CABIN1: variants seen among roughly 807,000 people sequenced by gnomAD.
The protein encoded by CABIN1 is calcineurin binding protein 1, also known as calcineurin-binding protein cabin-1.
CABIN1 carries 133 observed loss-of-function variants against 227.7 expected under a neutral mutation model. That is an observed-to-expected ratio of 0.58 (90% CI 0.51 to 0.67). CABIN1 has a LOEUF of 0.67. Among genes scored for constraint, CABIN1 ranks in the 30% least tolerant of loss-of-function variants. CABIN1 has a pLI of 0.00. For synonymous variants in CABIN1, 1,086 were observed against 1,155.1 expected (o/e 0.94, Z 1.21); for missense variants, 2,408 against 2,852.5 (o/e 0.84, Z 3.55).
chr22:24,156,398 C>T (rs1218138218), intron 29 of CABIN1: 1 of 275,562 alleles, frequency 3.6e-6, no homozygotes, highest in Admixed American at 5.3e-5. Flanking sequence ...CGGCGGCGCG[C>T]GGGGGCGGCA....
intron 1 of CABIN1, among the ~76,000 whole-genome samples, chr22:24,025,408 G>A (rs753776659): frequency 4.6e-5 from 7 of 152,122 alleles, no homozygotes; most frequent in Non-Finnish European, 7.3e-5. Context: ...AGCCTGAGAA[G>A]GCCAAAACCA....
intron 27 of CABIN1, among the ~76,000 whole-genome samples, chr22:24,119,153 G>A (rs551666148): frequency 1.3e-5 from 2 of 152,336 alleles, no homozygotes; most frequent in Admixed American, 1.3e-4. Context: ...TGCCAGCTGG[G>A]ACAGCCTGTT....
intron 34 of CABIN1, 69 bp from the exon 35 acceptor site, chr22:24,176,042 T>A: frequency 4.5e-6 from 7 of 1,538,770 alleles, no homozygotes; most frequent in Non-Finnish European, 6.2e-6. Flanking sequence ...CCATAGGACC[T>A]GACACAGATG....
intron 35 of CABIN1, 97 bp downstream of exon 35, chr22:24,176,372 G>A: frequency 5.2e-6 from 7 of 1,351,892 alleles, no homozygotes; most frequent in Non-Finnish European, 7.1e-6. Context: ...TGAAGGGCAG[G>A]GCCTGGGGAT....
At chr22:24,093,915 A>G (rs2041715827) in intron 24 of CABIN1, among the ~76,000 whole-genome samples, 1 of 152,168 alleles carries the variant, frequency 6.6e-6, no homozygotes, top group Non-Finnish European at 1.5e-5. Context: ...TTTTGGGGCC[A>G]TATTCACTGG....
chr22:24,132,725 T>A (rs2044147440), intron 28 of CABIN1, among the ~76,000 whole-genome samples: 1 of 152,140 alleles, frequency 6.6e-6, no homozygotes, highest in African/African-American at 2.4e-5. Flanking sequence ...GTAGCTGGGA[T>A]TAGAGGCGTG....
At chr22:24,025,338 G>C (rs71318940) in intron 1 of CABIN1, among the ~76,000 whole-genome samples, 2,462 of 152,256 alleles carry the variant, frequency 0.016, 82 homozygotes, top group East Asian at 0.14. Flanking sequence ...TTCAAAAGGG[G>C]GGAAAAGGTG....
rs777375119 is a variant in CABIN1 at position 24,056,249 on chromosome 22, AAG to A, written c.1156_1157del (p.Ser386TrpfsTer42). On this transcript the variant is annotated frameshift_variant, in exon 10 of 37. Transcript: ENST00000263119. LOFTEE classifies it high-confidence loss of function. ...GGGGTAAAACGGAAGAAGATTTCAG[AAG>A]AGAGTGGAGAAACAGCAAAGCGGCG... 2 of 1,614,092 alleles carry A rather than the reference AAG, an allele frequency of 1.2e-6. No homozygotes were observed. Among genetic ancestry groups the A allele is most frequent in the Non-Finnish European group, 1.7e-6 (2 of 1,179,980 alleles).
chr22:24,176,688 T>C (rs1299883189), intron 35 of CABIN1, among the ~76,000 whole-genome samples: 1 of 151,892 alleles, frequency 6.6e-6, no homozygotes, highest in Non-Finnish European at 1.5e-5. Context: ...GGCAGAAGGG[T>C]GGACAGGTTG....
chr22:24,071,206 C>A, intron 17 of CABIN1, 164 bp downstream of exon 17: 2 of 946,208 alleles, frequency 2.1e-6, no homozygotes, highest in Non-Finnish European at 3.2e-6. Context: ...GGTTTGTGCG[C>A]AGGCTGCAAA....
At chr22:24,112,586 T>C (rs957494487) in intron 26 of CABIN1, among the ~76,000 whole-genome samples, 3 of 152,102 alleles carry the variant, frequency 2.0e-5, no homozygotes, top group African/African-American at 4.8e-5. Flanking sequence ...CAGCCTAGGG[T>C]TGGGGACATG....
At chr22:24,135,771 T>C (rs560255353) in intron 29 of CABIN1, among the ~76,000 whole-genome samples, 2 of 152,340 alleles carry the variant, frequency 1.3e-5, no homozygotes, top group East Asian at 3.9e-4. Flanking sequence ...AGAGGTGGCC[T>C]GAACAGGAGC....
intron 29 of CABIN1, among the ~76,000 whole-genome samples, chr22:24,151,359 A>G (rs1209314509): frequency 6.6e-6 from 1 of 152,042 alleles, no homozygotes; most frequent in East Asian, 1.9e-4. Flanking sequence ...TTGCTTCCCC[A>G]TGACCTTCCC....
At chr22:24,127,537 A>G (rs181838732) in intron 28 of CABIN1, among the ~76,000 whole-genome samples, 1 of 152,336 alleles carries the variant, frequency 6.6e-6, no homozygotes, top group East Asian at 1.9e-4. Flanking sequence ...ATCAGACAAC[A>G]TGGGAAACCT....
intron 29 of CABIN1, among the ~76,000 whole-genome samples, chr22:24,157,797 C>T (rs955710845): frequency 2.0e-4 from 30 of 152,294 alleles, no homozygotes; most frequent in African/African-American, 6.7e-4. Flanking sequence ...TTCCTGGCTC[C>T]GCTTGAGGTG....
At chr22:24,059,476 C>T in intron 11 of CABIN1, 113 bp downstream of exon 11, 1 of 1,260,318 alleles carries the variant, frequency 7.9e-7, no homozygotes, top group South Asian at 1.3e-5. Context: ...TTAGTGTGGC[C>T]AAGAGTCTGC....
At chr22:24,125,559 C>T (rs1185484033) in intron 28 of CABIN1, among the ~76,000 whole-genome samples, 1 of 152,200 alleles carries the variant, frequency 6.6e-6, no homozygotes, top group Non-Finnish European at 1.5e-5. Context: ...TCGGGGGGAG[C>T]TGGTGAGCTT....
chr22:24,076,927 C>T (rs1305475336), intron 19 of CABIN1, among the ~76,000 whole-genome samples: 1 of 152,128 alleles, frequency 6.6e-6, no homozygotes, highest in Admixed American at 6.5e-5. Context: ...AGACAGGGAC[C>T]TCAGACCCAG....
chr22:24,061,970 C>A lies in CABIN1; in HGVS notation c.1641C>A (p.Ser547=). Residue 547 remains serine (S), a synonymous_variant, in exon 13 of 37, where the codon TCC becomes TCA. Transcript: ENST00000263119. ...AGGACATGATGCTGATGTCTCTCTC[C>A]TGCATGGAACTCCAGCTGGACCAGT... ...HIKDMMLMSL[S]CMELQLDQWL... is the part of the protein sequence containing the mutation. 6.2e-7 allele frequency: 1 copy of A among 1,614,046 alleles called. No homozygotes were observed. The highest frequency in any genetic ancestry group is 1.3e-5 in the African/African-American group (1 of 75,052).
Sources: gnomAD v4.1 joint callset for allele counts (sites outside exome capture counted in the v4.1 genomes callset) on GRCh38, gnomAD v4.1.1 for gene constraint, MANE v1.5 for transcripts, NCBI Gene and HGNC (gene_info 2026-07-23, HGNC 2026-07-21) for gene names.